Variants in PZP observed in about 807,000 individuals in gnomAD.
PZP encodes pregnancy zone protein.
In PZP, 150 loss-of-function variants were observed where a neutral mutation model predicts 179.8. The ratio of observed to expected loss-of-function variants is 0.83; its 90% CI spans 0.73 to 0.96. The LOEUF (loss-of-function observed/expected upper bound fraction) is 0.96. PZP is among the 40% of genes least tolerant of loss of function. PZP has a pLI of 0.00. For synonymous variants in PZP, 624 were observed against 652.3 expected (o/e 0.96, Z 0.66); for missense variants, 1,689 against 1,764.0 (o/e 0.96, Z 0.76).
intron 2 of PZP, 121 bp downstream of exon 2, chr12:9,203,647 G>A (rs1944300950): frequency 8.1e-7 from 1 of 1,235,220 alleles, no homozygotes; most frequent in African/African-American, 1.5e-5. Flanking sequence ...GGCCCCTGAA[G>A]TCCTAACTAC....
chr12:9,160,503 A>C lies in PZP; in HGVS notation c.2873-13T>G, dbSNP rs1257888315. ...CCTAATATGTCACCTGGGGAATGTG[A>C]AAGATTAGATGTCAGAATAATTTCA... On this transcript the variant is annotated splice_polypyrimidine_tract_variant and intron_variant, in intron 23 of 35. Transcript: ENST00000261336. 1 of 1,606,512 alleles carries C rather than the reference A, an allele frequency of 6.2e-7. No homozygotes were observed. Among genetic ancestry groups the C allele is most frequent in the Non-Finnish European group, 8.5e-7 (1 of 1,176,478 alleles).
At chr12:9,148,218 T>G (rs750472855), downstream of PZP, among the ~76,000 whole-genome samples, 2 of 152,210 alleles carry the variant, frequency 1.3e-5, no homozygotes, top group Non-Finnish European at 2.9e-5. Flanking sequence ...TTACTTCATA[T>G]AGTTGTCATA....
At chr12:9,175,360 T>C (rs943591485) in intron 15 of PZP, among the ~76,000 whole-genome samples, 2 of 152,136 alleles carry the variant, frequency 1.3e-5, no homozygotes, top group Admixed American at 6.5e-5. Flanking sequence ...ATAAAGACCC[T>C]TGAAGAAAAT....
chr12:9,195,692 G>A (rs1352749085), intron 10 of PZP, among the ~76,000 whole-genome samples: 1 of 146,936 alleles, frequency 6.8e-6, no homozygotes, highest in African/African-American at 2.5e-5. Context: ...GGCCTCAGGC[G>A]ATCCTCCCCC....
At chr12:9,175,988 G>T (rs958793787) in intron 15 of PZP, among the ~76,000 whole-genome samples, 1 of 152,018 alleles carries the variant, frequency 6.6e-6, no homozygotes, top group Non-Finnish European at 1.5e-5. Flanking sequence ...AAATTATTCT[G>T]TTATAAAGAT....
In PZP at chr12:9,196,663, G is replaced by T. The variant is rs765989234; in HGVS notation, c.890C>A (p.Thr297Asn). The T allele has an allele frequency of 6.2e-7, 1 of 1,612,348 alleles. No homozygotes were observed. Among genetic ancestry groups the T allele is most frequent in the Admixed American group, 1.7e-5 (1 of 60,010 alleles). Residue 297 changes from threonine (T) to asparagine (N), a missense_variant, in exon 9 of 36, where the codon ACC becomes AAC. Transcript: ENST00000261336. ...SQQLNSNGCI[T>N]QQVHTKMLQI... The stretch of plus-strand genomic sequence containing the variant: ...GAGCATTTTGGTGTGTACTTGTTGG[G>T]TGATGCAGCCATTGCTGTTAAGCTG...
chr12:9,180,855 G>A, intron 15 of PZP, 128 bp downstream of exon 15: 12 of 928,056 alleles, frequency 1.3e-5, no homozygotes, highest in East Asian at 2.9e-5. Context: ...CCATCAGAGT[G>A]AACAGGCAAC....
At chr12:9,147,602 G>T (rs1940076295), downstream of PZP, among the ~76,000 whole-genome samples, 1 of 152,112 alleles carries the variant, frequency 6.6e-6, no homozygotes, top group South Asian at 2.1e-4. Context: ...TACTAAACTG[G>T]TGTTCATGTG....
chr12:9,152,777 A>G, intron 31 of PZP, 47 bp downstream of exon 31: 1 of 1,584,066 alleles, frequency 6.3e-7, no homozygotes, highest in Non-Finnish European at 8.6e-7. Flanking sequence ...TGTTAATTCC[A>G]AGTTGCTTTT....
chr12:9,208,057 T>C, intron 1 of PZP, among the ~76,000 whole-genome samples: 1 of 152,240 alleles, frequency 6.6e-6, no homozygotes, highest in South Asian at 2.1e-4. Context: ...TATTTATGAC[T>C]CTGATTGGCC....
chr12:9,152,284 T>C lies in PZP; in HGVS notation c.4148A>G (p.Asn1383Ser), dbSNP rs1191445577. 3.7e-6 allele frequency: 6 copies of C among 1,613,470 alleles called. 1 individual carries two copies. The highest frequency in any genetic ancestry group is 3.3e-5 in the Admixed American group (2 of 60,018). ...ISYTGNRPAS[N>S]MVIVDVKMVS... ...CATCTTTACATCAACAATCACCATA[T>C]TGGAAGCAGGACGGTTTCCTGTGTA... is the stretch of plus-strand genomic sequence containing the variant. Residue 1383 changes from asparagine (N) to serine (S), a missense_variant, in exon 32 of 36, where the codon AAT (asparagine) becomes AGT (serine). By Grantham distance (46) the Asn-to-Ser change is conservative. This residue lies in a region of PZP where 746 missense variants were observed against 749.2 expected (regional missense o/e 1.00). Transcript: ENST00000261336.
chr12:9,154,342 T>G (rs1940583355), intron 29 of PZP, among the ~76,000 whole-genome samples: 1 of 152,174 alleles, frequency 6.6e-6, no homozygotes. Flanking sequence ...AAAACTCTGG[T>G]CTAGAATGTG....
At chr12:9,183,822 A>G (rs4140706) in intron 13 of PZP, among the ~76,000 whole-genome samples, 35,799 of 152,116 alleles carry the variant, frequency 0.24, 4,328 homozygotes, top group East Asian at 0.36. Context: ...AACATTACTT[A>G]TTTTATATCA....
the PZP span, among the ~76,000 whole-genome samples, chr12:9,141,392 G>T: frequency 6.6e-6 from 1 of 152,084 alleles, no homozygotes; most frequent in East Asian, 1.9e-4. Flanking sequence ...ACATTTACCC[G>T]ATTTTAATGT....
chr12:9,176,547 G>A (rs1398952666), intron 15 of PZP, among the ~76,000 whole-genome samples: 1 of 152,188 alleles, frequency 6.6e-6, no homozygotes, highest in Admixed American at 6.5e-5. Flanking sequence ...ATGAACTTAT[G>A]CCATTATATT....
intron 29 of PZP, 149 bp from the exon 30 acceptor site, chr12:9,153,492 C>G (rs1940521499): frequency 1.3e-5 from 8 of 601,392 alleles, no homozygotes; most frequent in Middle Eastern, 4.4e-4. Context: ...TTTTCTCTGC[C>G]TTTCAGACAT....
intron 15 of PZP, among the ~76,000 whole-genome samples, chr12:9,176,325 CAAG>C (rs886424573): frequency 5.3e-5 from 8 of 152,060 alleles, no homozygotes; most frequent in Admixed American, 3.3e-4. Context: ...GGGAGAGCAT[CAAG>C]AAGAATAACT....
intron 13 of PZP, among the ~76,000 whole-genome samples, chr12:9,190,130 T>A (rs1362796880): frequency 6.6e-6 from 1 of 152,068 alleles, no homozygotes; most frequent in Non-Finnish European, 1.5e-5. Context: ...GACCCAAGAA[T>A]CCCAGTACTG....
chr12:9,150,882 T>C (rs1376788585), intron 33 of PZP, 136 bp from the exon 34 acceptor site: 2 of 648,188 alleles, frequency 3.1e-6, no homozygotes, highest in African/African-American at 3.7e-5. Flanking sequence ...GATGTCAAGA[T>C]GGGTTTTAGA....
Sources: allele counts gnomAD v4.1 joint callset (sites outside exome capture counted in the v4.1 genomes callset), GRCh38; gene constraint gnomAD v4.1.1; regional missense constraint gnomAD v4.1.1; transcripts MANE v1.5; gene names NCBI Gene and HGNC (gene_info 2026-07-23, HGNC 2026-07-21).